Variants in SH3GL3 observed in about 807,000 individuals in gnomAD.
SH3GL3 encodes the protein SH3 domain containing GRB2 like 3, endophilin A3, also known as endophilin-A3.
A neutral mutation model predicts 47.7 loss-of-function variants in SH3GL3; 33 were observed. The ratio of observed to expected loss-of-function variants is 0.69; its 90% CI spans 0.52 to 0.92. The LOEUF is 0.92. Ranked by LOEUF, SH3GL3 falls within the 40% of genes least tolerant of loss-of-function variation. The pLI is 0.00. For synonymous variants in SH3GL3, 155 were observed against 148.8 expected, an observed-to-expected ratio of 1.04 and a Z score of -0.30; for missense variants, 363 against 417.8, an observed-to-expected ratio of 0.87 and a Z score of 1.14.
At chr15:83,565,027 T>A (rs1445958077) in intron 2 of SH3GL3, 107 bp from the exon 3 acceptor site, 2 of 548,376 alleles carry the variant, frequency 3.6e-6, no homozygotes, top group African/African-American at 3.9e-5. Context: ...AAAATCATCA[T>A]AATCGTGTTA....
Position 83,462,155 on chromosome 15 carries a change from G to A in SH3GL3, c.45+14577G>A, listed in dbSNP as rs79026580. On this transcript the variant is annotated intron_variant, in intron 1 of 8. Transcript: ENST00000427482. ...ATTACAAGGGACAAGCCTTGTGCCTGATATGTGGGCCACACAGAAAGTTCA... is the reference window on the plus strand; with the variant it reads ...ATTACAAGGGACAAGCCTTGTGCCTAATATGTGGGCCACACAGAAAGTTCA... Among the ~76,000 whole-genome samples, 174 of 152,322 alleles carry A rather than the reference G, an allele frequency of 1.1e-3. 2 individuals carry two copies. The highest frequency in any genetic ancestry group is 3.9e-3 in the African/African-American group (163 of 41,574).
rs968964432 is a variant in SH3GL3, at chr15:83,611,299, G to C, written c.839-6783G>C. 4.6e-5 allele frequency: 7 copies of C among 152,048 alleles called. 1 individual carries two copies. The East Asian group carries it at 7.8e-4, about 17-fold the overall frequency. The allele number at this position is 152,048 out of a possible 1,614,324, so 9.4% of individuals were successfully genotyped here. Reference sequence around the variant, plus strand: ...TTCCTAATGGTGTGGAACAGAGCTTGAATAATAAATATTTAACAGGGACAC... The same window carrying C: ...TTCCTAATGGTGTGGAACAGAGCTTCAATAATAAATATTTAACAGGGACAC... On this transcript the variant is annotated intron_variant, in intron 8 of 8. Transcript: ENST00000427482.
chr15:83,622,793 C>T (rs764473750), downstream of SH3GL3, among the ~76,000 whole-genome samples: 3 of 152,250 alleles, frequency 2.0e-5, no homozygotes, highest in Non-Finnish European at 4.4e-5. Context: ...ACTGTCTTCC[C>T]TTCACCTGGC....
chr15:83,590,669 A>C (rs1413960487), intron 8 of SH3GL3, among the ~76,000 whole-genome samples: 1 of 152,208 alleles, frequency 6.6e-6, no homozygotes, highest in Non-Finnish European at 1.5e-5. Flanking sequence ...TTAGTGACTA[A>C]TGATGTTGAA....
intron 8 of SH3GL3, among the ~76,000 whole-genome samples, chr15:83,592,046 T>C (rs1342059724): frequency 6.6e-6 from 1 of 152,224 alleles, no homozygotes; most frequent in Non-Finnish European, 1.5e-5. Context: ...ATCAACTCCT[T>C]TCCCAGTGCT....
chr15:83,561,177 G>C (rs1217225646), intron 2 of SH3GL3, among the ~76,000 whole-genome samples: 1 of 152,106 alleles, frequency 6.6e-6, no homozygotes, highest in Non-Finnish European at 1.5e-5. Flanking sequence ...AATGGAGAAT[G>C]TGCATATTTT....
At chr15:83,569,720 A>G (rs115605119) in intron 4 of SH3GL3, among the ~76,000 whole-genome samples, 453 of 152,352 alleles carry the variant, frequency 3.0e-3, no homozygotes, top group African/African-American at 0.01. Context: ...GATATGTAGT[A>G]TACAAAAATG....
At chr15:83,518,302 A>C (rs2043069390) in intron 1 of SH3GL3, among the ~76,000 whole-genome samples, 1 of 152,214 alleles carries the variant, frequency 6.6e-6, no homozygotes, top group Non-Finnish European at 1.5e-5. Flanking sequence ...AAGTTCTTTG[A>C]GAAATCTCCA....
chr15:83,619,940 C>T (rs531047162), downstream of SH3GL3, among the ~76,000 whole-genome samples: 4 of 152,312 alleles, frequency 2.6e-5, no homozygotes, highest in East Asian at 5.8e-4. Flanking sequence ...CTCATCCTAC[C>T]ACTGCTTTAT....
chr15:83,499,048 A>C (rs1447421008), intron 1 of SH3GL3, among the ~76,000 whole-genome samples: 7 of 152,012 alleles, frequency 4.6e-5, no homozygotes. Flanking sequence ...CTGCTGTAAA[A>C]ATTTTAGGAA....
chr15:83,540,660 GTATT>G (rs2044112483), intron 1 of SH3GL3, among the ~76,000 whole-genome samples: 1 of 152,054 alleles, frequency 6.6e-6, no homozygotes, highest in African/African-American at 2.4e-5. Context: ...AGAGGCGTAA[GTATT>G]TATGGCATAT....
intron 1 of SH3GL3, among the ~76,000 whole-genome samples, chr15:83,551,048 CTG>C (rs1182157634): frequency 1.3e-5 from 2 of 152,198 alleles, no homozygotes; most frequent in Non-Finnish European, 2.9e-5. Flanking sequence ...GCAGCCAAGG[CTG>C]TGTTAACATT....
chr15:83,595,699 G>A (rs1378810643), intron 8 of SH3GL3, among the ~76,000 whole-genome samples: 1 of 150,340 alleles, frequency 6.7e-6, no homozygotes, highest in Non-Finnish European at 1.5e-5. Flanking sequence ...GAGGTTATCT[G>A]TTTCTTCCTG....
chr15:83,590,426 A>G (rs2060065049), intron 8 of SH3GL3, among the ~76,000 whole-genome samples: 1 of 152,214 alleles, frequency 6.6e-6, no homozygotes. Context: ...ACTACTTTGA[A>G]TAATCTTTTC....
intron 1 of SH3GL3, among the ~76,000 whole-genome samples, chr15:83,465,073 GC>G (rs1190174198): frequency 6.6e-5 from 10 of 151,162 alleles, no homozygotes; most frequent in African/African-American, 2.4e-4. Flanking sequence ...ACTTTAGGAG[GC>G]CAAGGAGGGC....
intron 1 of SH3GL3, among the ~76,000 whole-genome samples, chr15:83,480,497 G>T (rs1405479643): frequency 2.0e-5 from 3 of 152,218 alleles, no homozygotes; most frequent in South Asian, 2.1e-4. Context: ...GGGCCAGCAT[G>T]AGCCTGGGAG....
chr15:83,449,650 A>G (rs2039638287), intron 1 of SH3GL3, among the ~76,000 whole-genome samples: 1 of 151,394 alleles, frequency 6.6e-6, no homozygotes, highest in Non-Finnish European at 1.5e-5. Context: ...AGTCATGGGT[A>G]GTTTGGTTTA....
chr15:83,539,305 C>G (rs914204006), intron 1 of SH3GL3, among the ~76,000 whole-genome samples: 3 of 152,164 alleles, frequency 2.0e-5, no homozygotes, highest in African/African-American at 7.2e-5. Flanking sequence ...TCCTGGTTCA[C>G]AGATGGCAGT....
At chr15:83,493,494 T>C (rs2041959766) in intron 1 of SH3GL3, among the ~76,000 whole-genome samples, 1 of 152,192 alleles carries the variant, frequency 6.6e-6, no homozygotes, top group South Asian at 2.1e-4. Flanking sequence ...GTCTTGGGGA[T>C]CAGTGGCTCA....
Sources: allele counts gnomAD v4.1 joint callset (sites outside exome capture counted in the v4.1 genomes callset), GRCh38; gene constraint gnomAD v4.1.1; transcripts MANE v1.5; gene names NCBI Gene and HGNC (gene_info 2026-07-23, HGNC 2026-07-21).